The following NOX4 variants were observed in gnomAD, a reference collection of about 807,000 sequenced individuals.
The protein encoded by NOX4 is NADPH oxidase 4.
Under a neutral mutation model 87.6 loss-of-function variants are expected in NOX4, and 69 were observed. The observed-to-expected ratio is 0.79, with a 90% confidence interval of 0.65 to 0.96. The LOEUF (loss-of-function observed/expected upper bound fraction) is 0.96, where lower values mean the gene tolerates loss of function less well. Ranked by LOEUF, NOX4 falls within the 40% of genes least tolerant of loss-of-function variation. The pLI, the probability that NOX4 is intolerant of heterozygous loss-of-function variation, is 0.00. For synonymous variants in NOX4, 275 were observed against 238.2 expected (o/e 1.15, Z -1.42); for missense variants, 680 against 681.5 (o/e 1.00, Z 0.02).
intron 17 of NOX4, among the ~76,000 whole-genome samples, chr11:89,331,166 T>G (rs1416773136): frequency 6.6e-6 from 1 of 151,900 alleles, no homozygotes; most frequent in Non-Finnish European, 1.5e-5. Flanking sequence ...CCAATTGAAC[T>G]AGAAATTAAG....
intron 6 of NOX4, among the ~76,000 whole-genome samples, chr11:89,433,606 G>A (rs556101525): frequency 6.6e-6 from 1 of 152,126 alleles, no homozygotes; most frequent in African/African-American, 2.4e-5. Flanking sequence ...AAAGCCTAAA[G>A]TGTTTTCAAA....
At chr11:89,515,938 C>T in the NOX4 span, among the ~76,000 whole-genome samples, 1 of 152,036 alleles carries the variant, frequency 6.6e-6, no homozygotes, top group Admixed American at 6.6e-5. Flanking sequence ...ACATCTTCTT[C>T]CACCTCCATT....
At chr11:89,375,518 G>A (rs1939769633) in intron 11 of NOX4, among the ~76,000 whole-genome samples, 1 of 152,048 alleles carries the variant, frequency 6.6e-6, no homozygotes, top group African/African-American at 2.4e-5. Flanking sequence ...GTGTTGCCCA[G>A]GCTGATCTGA....
At chr11:89,575,043 C>T in the NOX4 span, among the ~76,000 whole-genome samples, 2 of 152,074 alleles carry the variant, frequency 1.3e-5, no homozygotes, top group East Asian at 1.9e-4. Flanking sequence ...ATTAGCCAAC[C>T]GTGGTGGCAC....
At chr11:89,541,018 G>A in the NOX4 span, among the ~76,000 whole-genome samples, 1 of 151,834 alleles carries the variant, frequency 6.6e-6, no homozygotes, top group Non-Finnish European at 1.5e-5. Context: ...GACTTACCAA[G>A]GTGTTTTATA....
chr11:89,508,503 G>A, the NOX4 span, among the ~76,000 whole-genome samples: 133 of 152,156 alleles, frequency 8.7e-4, 1 homozygote, highest in African/African-American at 3.2e-3. Context: ...TATTTATGGT[G>A]TTTTGAACGT....
At chr11:89,416,994 G>A (rs1942817899) in intron 8 of NOX4, among the ~76,000 whole-genome samples, 1 of 152,118 alleles carries the variant, frequency 6.6e-6, no homozygotes, top group Admixed American at 6.6e-5. Flanking sequence ...AACATTTGAG[G>A]AGGACCTTCC....
the NOX4 span, among the ~76,000 whole-genome samples, chr11:89,578,231 G>A: frequency 3.3e-5 from 5 of 151,316 alleles, no homozygotes; most frequent in Middle Eastern, 3.4e-3. Context: ...GCGTGATCAC[G>A]GCTTACTGCA....
At chr11:89,353,232 G>A (rs1167407373) in intron 13 of NOX4, among the ~76,000 whole-genome samples, 2 of 152,196 alleles carry the variant, frequency 1.3e-5, no homozygotes, top group Non-Finnish European at 2.9e-5. Context: ...GTTAAGCTGT[G>A]GGTAAAATGC....
chr11:89,392,365 G>A (rs1941192978), intron 11 of NOX4, among the ~76,000 whole-genome samples: 1 of 152,068 alleles, frequency 6.6e-6, no homozygotes, highest in Admixed American at 6.6e-5. Context: ...TGCTGTAGGA[G>A]GCAACCCATA....
intron 7 of NOX4, among the ~76,000 whole-genome samples, chr11:89,431,250 C>A (rs928769661): frequency 8.5e-5 from 13 of 152,166 alleles, no homozygotes; most frequent in Non-Finnish European, 1.3e-4. Context: ...ACCATCAAAA[C>A]CCTAGAAGAA....
At chr11:89,506,796 G>A in the NOX4 span, among the ~76,000 whole-genome samples, 1 of 151,812 alleles carries the variant, frequency 6.6e-6, no homozygotes, top group Admixed American at 6.6e-5. Context: ...TATATGGATT[G>A]CAAATAAGCA....
At chr11:89,422,735 A>T (rs183506588) in intron 7 of NOX4, among the ~76,000 whole-genome samples, 23 of 151,984 alleles carry the variant, frequency 1.5e-4, no homozygotes, top group Admixed American at 1.4e-3. Flanking sequence ...TACTCCACTC[A>T]TAGTATTTGG....
intron 8 of NOX4, among the ~76,000 whole-genome samples, chr11:89,418,425 T>TAAG (rs1942906674): frequency 1.1e-4 from 10 of 93,682 alleles, no homozygotes; most frequent in Non-Finnish European, 1.5e-4. Context: ...ACATTGAGAA[T>TAAG]AATAATAATA....
intron 6 of NOX4, among the ~76,000 whole-genome samples, chr11:89,435,423 G>A (rs1450646490): frequency 2.6e-5 from 4 of 151,918 alleles, no homozygotes; most frequent in Non-Finnish European, 5.9e-5. Context: ...AGTATGTTTA[G>A]AATAGAGCCA....
chr11:89,410,622 T>G (rs868393062), intron 8 of NOX4, among the ~76,000 whole-genome samples: 73 of 152,142 alleles, frequency 4.8e-4, no homozygotes, highest in African/African-American at 1.8e-3. Flanking sequence ...CCTGTCACAA[T>G]GAAAAGCAAC....
chr11:89,328,063 G>T (rs1447069852), intron 17 of NOX4, among the ~76,000 whole-genome samples: 1 of 152,186 alleles, frequency 6.6e-6, no homozygotes, highest in Non-Finnish European at 1.5e-5. Context: ...CTCCAGCAAA[G>T]ATTGGTGACT....
chr11:89,490,589 A>G, intron 1 of NOX4, 36 bp from the exon 2 acceptor site: 1 of 1,435,664 alleles, frequency 7.0e-7, no homozygotes, highest in Non-Finnish European at 9.8e-7. Context: ...GAAAACAAAA[A>G]TTGAAAATAA....
At chr11:89,576,568 C>T in the NOX4 span, among the ~76,000 whole-genome samples, 2 of 152,100 alleles carry the variant, frequency 1.3e-5, no homozygotes, top group Non-Finnish European at 2.9e-5. Context: ...ACTGTCTGCT[C>T]ACATTTTCAC....
Sources: allele counts gnomAD v4.1 joint callset (sites outside exome capture counted in the v4.1 genomes callset), GRCh38; gene constraint gnomAD v4.1.1; transcripts MANE v1.5; gene names NCBI Gene and HGNC (gene_info 2026-07-23, HGNC 2026-07-21).